The following ZNF474 variants were observed in gnomAD, a reference collection of about 807,000 sequenced individuals.
ZNF474 encodes zinc finger protein 474, also known as 4933409D10Rik.
For synonymous variants in ZNF474, 192 were observed against 162.2 expected (o/e 1.18, Z -1.39); for missense variants, 511 against 433.8 (o/e 1.18, Z -1.58).
chr5:122,148,001 G>A (rs1404163329), intron 1 of ZNF474: 2 of 152,254 alleles, frequency 1.3e-5, no homozygotes, highest in Non-Finnish European at 2.9e-5. Context: ...CTCCAGAGAT[G>A]CTTGAGGTAA....
In ZNF474 at chr5:122,135,223, T is replaced by C. The variant is rs1282438053; in HGVS notation, c.-213+5540T>C. On this transcript the variant is annotated intron_variant, in intron 1 of 1. Transcript: ENST00000296600. ...GGTGCCATGCACCTATAATCCCAGC[T>C]ACTCAGGAGGCTGAGGTGGGAGGAT... Among the ~76,000 whole-genome samples the C allele has an allele frequency of 2.0e-5, 3 of 152,194 alleles. No homozygotes were observed. In the South Asian group the frequency reaches 6.2e-4, roughly 31 times the overall value.
At chr5:122,132,022 A>G (rs1449244478) in intron 1 of ZNF474, among the ~76,000 whole-genome samples, 1 of 152,078 alleles carries the variant, frequency 6.6e-6, no homozygotes, top group East Asian at 1.9e-4. Flanking sequence ...CCACCAAACA[A>G]TAACTGATAT....
In ZNF474 at chr5:122,153,522, C is replaced by G. The variant is rs1019588100; in HGVS notation, c.*437C>G. The G allele has an allele frequency of 5.1e-5, 9 of 176,606 alleles. No individual in the cohort carries two copies. Among genetic ancestry groups the G allele is most frequent in the Admixed American group, 1.2e-4 (2 of 16,452 alleles). The allele number at this position is 176,606 out of a possible 1,614,324, so 10.9% of individuals were successfully genotyped here. ...CTAAAATAGAATCTGTGTCAAAAACCCCCAATGACTTTAGCAACAATTAAA... is the reference window on the plus strand; with the variant it reads ...CTAAAATAGAATCTGTGTCAAAAACGCCCAATGACTTTAGCAACAATTAAA... On this transcript the variant is annotated 3_prime_UTR_variant, in exon 2 of 2. Transcript: ENST00000296600.
At chr5:122,150,603 C>T (rs1418931282) in intron 1 of ZNF474, among the ~76,000 whole-genome samples, 1 of 152,084 alleles carries the variant, frequency 6.6e-6, no homozygotes, top group Non-Finnish European at 1.5e-5. Flanking sequence ...AGTTTATCAC[C>T]CTGATAAATG....
At chr5:122,145,405 C>T (rs529737633) in intron 1 of ZNF474, among the ~76,000 whole-genome samples, 12 of 152,252 alleles carry the variant, frequency 7.9e-5, no homozygotes, top group South Asian at 4.1e-4. Context: ...TGGTACCAGA[C>T]GCTGCCTAGA....
chr5:122,129,891 G>A (rs1467816460), intron 1 of ZNF474, among the ~76,000 whole-genome samples: 1 of 152,126 alleles, frequency 6.6e-6, no homozygotes, highest in Non-Finnish European at 1.5e-5. Context: ...TAGTTCTTAA[G>A]TGAAAAATCT....
chr5:122,152,888 C>G lies in ZNF474; in HGVS notation c.898C>G (p.Leu300Val). The G allele has an allele frequency of 6.2e-7, 1 of 1,614,182 alleles. No individual in the cohort carries two copies. The highest frequency in any genetic ancestry group is 1.1e-5 in the South Asian group (1 of 91,088). The part of the protein sequence containing the change: ...CSRIFTSDRL[L>V]VHQRSCKTHP... ...CCGAATCTTTACCTCAGACCGCCTC[C>G]TGGTACACCAGAGAAGTTGTAAAAC... is the stretch of plus-strand genomic sequence containing the variant. The change falls in exon 2 of 2, where the codon CTG becomes GTG. Residue 300 changes from leucine (L) to valine (V), a missense_variant. By Grantham distance (32) the Leu-to-Val change is conservative. Coordinates refer to ENST00000296600, the MANE Select transcript of ZNF474 (RefSeq NM_207317.3).
At chr5:122,150,704 A>T (rs2152606905) in intron 1 of ZNF474, among the ~76,000 whole-genome samples, 1 of 152,304 alleles carries the variant, frequency 6.6e-6, no homozygotes, top group South Asian at 2.1e-4. Context: ...ATTTACTCAT[A>T]ACTTTTCCCA....
chr5:122,152,057 C>T lies in ZNF474; in HGVS notation c.67C>T (p.Pro23Ser), dbSNP rs529368378. 13 of 1,614,046 alleles carry T rather than the reference C, an allele frequency of 8.1e-6. No homozygotes were observed. The highest frequency in any genetic ancestry group is 5.0e-5 in the Admixed American group (3 of 59,990). The change falls in exon 2 of 2, where the codon CCC becomes TCC. Residue 23 changes from proline (P) to serine (S), a missense_variant. Coordinates refer to ENST00000296600, the MANE Select transcript of ZNF474 (RefSeq NM_207317.3). ...ACAAACTTTTCACCATTCTAAAGAA[C>T]CCACTTTCCTTATCAACCAAGCTGG... Reference protein sequence around the residue: ...LQQTFHHSKEPTFLINQAGLL... With the variant: ...LQQTFHHSKESTFLINQAGLL...
rs1756184509 is a variant in ZNF474 at position 122,151,817 on chromosome 5, C to A, written c.-174C>A. ...CTCAGCTTTAATGAGGACTTTCCAA[C>A]ATTCCAGACTGCCGTCCTGCAATGA... On this transcript the variant is annotated 5_prime_UTR_variant, in exon 2 of 2. Transcript: ENST00000296600. The A allele has an allele frequency of 2.8e-6, 2 of 723,422 alleles. No homozygotes were observed. The highest frequency in any genetic ancestry group is 4.4e-6 in the Non-Finnish European group (2 of 455,900). The allele number at this position is 723,422 out of a possible 1,614,324, so 44.8% of individuals were successfully genotyped here.
intron 1 of ZNF474, among the ~76,000 whole-genome samples, chr5:122,139,410 C>G (rs1427940): frequency 5.9e-5 from 9 of 152,178 alleles, no homozygotes; most frequent in Admixed American, 5.2e-4. Flanking sequence ...TTTCATGTAA[C>G]CAAATTTATT....
intron 1 of ZNF474, among the ~76,000 whole-genome samples, chr5:122,140,850 T>C (rs911514608): frequency 1.3e-5 from 2 of 152,156 alleles, no homozygotes; most frequent in African/African-American, 4.8e-5. Flanking sequence ...CCAATGTTCT[T>C]GTGCTATTTT....
At chr5:122,144,800 C>T (rs999096280) in intron 1 of ZNF474, among the ~76,000 whole-genome samples, 1 of 152,080 alleles carries the variant, frequency 6.6e-6, no homozygotes, top group Non-Finnish European at 1.5e-5. Context: ...ATATTATAGG[C>T]CTCTAATGTG....
intron 1 of ZNF474, among the ~76,000 whole-genome samples, chr5:122,139,445 T>C (rs1322582574): frequency 2.6e-5 from 4 of 152,168 alleles, no homozygotes; most frequent in Non-Finnish European, 4.4e-5. Context: ...ATAACTGGAA[T>C]TTTGCAGTCA....
In ZNF474 at chr5:122,152,062, T is replaced by A. The variant is rs1223726274; in HGVS notation, c.72T>A (p.Thr24=). 3.7e-6 allele frequency: 6 copies of A among 1,614,022 alleles called. No individual in the cohort carries two copies. The highest frequency in any genetic ancestry group is 5.1e-6 in the Non-Finnish European group (6 of 1,180,024). The change falls in exon 2 of 2, where the codon ACT becomes ACA. Residue 24 remains threonine, a synonymous_variant. Coordinates refer to ENST00000296600, the MANE Select transcript of ZNF474 (RefSeq NM_207317.3). ...CTTTTCACCATTCTAAAGAACCCAC[T>A]TTCCTTATCAACCAAGCTGGGCTTC... is the stretch of plus-strand genomic sequence containing the variant. ...QQTFHHSKEP[T]FLINQAGLLS...
At chr5:122,140,447 G>A (rs781208020) in intron 1 of ZNF474, among the ~76,000 whole-genome samples, 5 of 152,040 alleles carry the variant, frequency 3.3e-5, no homozygotes, top group Admixed American at 6.6e-5. Context: ...TCTTTCAACC[G>A]CATATGAATC....
intron 1 of ZNF474, among the ~76,000 whole-genome samples, chr5:122,149,710 A>G (rs1756112746): frequency 1.3e-5 from 2 of 152,178 alleles, no homozygotes; most frequent in Non-Finnish European, 2.9e-5. Context: ...CTGCTTCATA[A>G]TCATTTGAGA....
chr5:122,140,942 A>C (rs1372628870), intron 1 of ZNF474, among the ~76,000 whole-genome samples: 1 of 152,156 alleles, frequency 6.6e-6, no homozygotes, highest in Non-Finnish European at 1.5e-5. Flanking sequence ...ATAAACAGCA[A>C]TACCCATGAG....
chr5:122,149,326 T>C (rs1580608962), intron 1 of ZNF474, among the ~76,000 whole-genome samples: 1 of 152,176 alleles, frequency 6.6e-6, no homozygotes, highest in East Asian at 1.9e-4. Context: ...CACTTAACAT[T>C]GAAAACATTG....
Sources: gnomAD v4.1 joint callset for allele counts (sites outside exome capture counted in the v4.1 genomes callset) on GRCh38, gnomAD v4.1.1 for gene constraint, MANE v1.5 for transcripts, NCBI Gene and HGNC (gene_info 2026-07-23, HGNC 2026-07-21) for gene names.